JAKMIP2: variants seen among roughly 807,000 people sequenced by gnomAD.
The protein encoded by JAKMIP2 is janus kinase and microtubule interacting protein 2, also known as janus kinase and microtubule-interacting protein 2.
In JAKMIP2, 25 loss-of-function variants were observed where a neutral mutation model predicts 115.0. The observed-to-expected ratio is 0.22, with a 90% confidence interval of 0.16 to 0.30. JAKMIP2 has a LOEUF of 0.30. Among genes scored for constraint, JAKMIP2 ranks in the 10% least tolerant of loss-of-function variants. JAKMIP2 has a pLI of 1.00. For missense variants in JAKMIP2, 642 were observed against 957.6 expected (o/e 0.67, Z 4.35); for synonymous variants, 334 against 343.6 (o/e 0.97, Z 0.31).
chr5:147,665,141 G>A (rs1759229056), intron 2 of JAKMIP2, among the ~76,000 whole-genome samples: 1 of 152,162 alleles, frequency 6.6e-6, no homozygotes, highest in African/African-American at 2.4e-5. Context: ...TACCACCCAT[G>A]AGCCAAATCC....
intron 19 of JAKMIP2, among the ~76,000 whole-genome samples, chr5:147,616,182 T>C (rs1756571349): frequency 6.6e-6 from 1 of 152,176 alleles, no homozygotes; most frequent in Non-Finnish European, 1.5e-5. Context: ...GTTAGTGATA[T>C]ACTTTAGAAG....
chr5:147,659,532 T>C (rs1056134584), intron 3 of JAKMIP2, among the ~76,000 whole-genome samples: 1 of 152,208 alleles, frequency 6.6e-6, no homozygotes, highest in Admixed American at 6.5e-5. Flanking sequence ...TCATGCCTAC[T>C]TCAGCAATAT....
chr5:147,600,949 C>A (rs1313536846), intron 21 of JAKMIP2, among the ~76,000 whole-genome samples: 4 of 151,934 alleles, frequency 2.6e-5, no homozygotes, highest in African/African-American at 4.8e-5. Flanking sequence ...TAATGAACTC[C>A]CTAGTCTCTA....
chr5:147,678,667 C>A (rs1313441500), intron 1 of JAKMIP2, among the ~76,000 whole-genome samples: 2 of 152,094 alleles, frequency 1.3e-5, no homozygotes, highest in East Asian at 3.9e-4. Flanking sequence ...AATAATGATT[C>A]TAGGAGTGTA....
rs369994039 is a variant in JAKMIP2 at position 147,644,051 on chromosome 5, C to T, written c.1224+7G>A. ...AACTTAGGGTTTACAGATTGATTGA[C>T]ACGTACCCTTGTGAGCTCATCAATA... On this transcript the variant is annotated splice_region_variant and intron_variant, in intron 7 of 21. Transcript: ENST00000616793. 3.6e-4 allele frequency: 562 copies of T among 1,556,678 alleles called. 1 individual carries two copies. The highest frequency in any genetic ancestry group is 4.8e-4 in the Non-Finnish European group (545 of 1,142,592).
At chr5:147,634,627 C>T (rs1303452903) in intron 12 of JAKMIP2, among the ~76,000 whole-genome samples, 1 of 152,174 alleles carries the variant, frequency 6.6e-6, no homozygotes, top group Non-Finnish European at 1.5e-5. Flanking sequence ...TCAATGCCAA[C>T]AAAGTTTCTT....
intron 1 of JAKMIP2, among the ~76,000 whole-genome samples, chr5:147,689,181 G>A (rs1230644492): frequency 2.0e-5 from 3 of 152,108 alleles, no homozygotes; most frequent in Admixed American, 6.5e-5. Context: ...TCAGGGAGCC[G>A]GGGAGGCTGG....
In JAKMIP2 at chr5:147,627,265, G is replaced by A. The variant is rs77409485; in HGVS notation, c.1995+1486C>T. Among the ~76,000 whole-genome samples the A allele has an allele frequency of 3.1e-3, 479 of 152,224 alleles. 2 individuals carry two copies. The highest frequency in any genetic ancestry group is 0.011 in the African/African-American group (455 of 41,544). ...AGAGCAGGAACACCTAAGGGGGCTT[G>A]GATGAACAGGCAGGCCTCCTCATTA... On this transcript the variant is annotated intron_variant, in intron 16 of 21. Transcript: ENST00000616793.
chr5:147,650,396 C>A lies in JAKMIP2; in HGVS notation c.779G>T (p.Ser260Ile). The change falls in exon 4 of 22, where the codon AGC becomes ATC. Residue 260 changes from serine (S) to isoleucine (I), a missense_variant. Physicochemically the swap from Ser to Ile is moderately radical, Grantham distance 142. This residue lies in a region of JAKMIP2 where 439 missense variants were observed against 570.9 expected (regional missense o/e 0.77). Transcript: ENST00000616793. ...CCTTCCTGGAATTTCTCGTTTTGGG[C>A]TGCTCATGTTGCACTCAGCCTCCTT... ...LVKEAECNMS[S>I]PKREIPGRAG... is the part of the protein sequence containing the mutation. 4 of 1,613,874 alleles carry A rather than the reference C, an allele frequency of 2.5e-6. No individual in the cohort carries two copies. Among genetic ancestry groups the A allele is most frequent in the South Asian group, 1.1e-5 (1 of 91,068 alleles).
intron 1 of JAKMIP2, among the ~76,000 whole-genome samples, chr5:147,702,615 A>AAG (rs1752395635): frequency 1.5e-5 from 1 of 64,578 alleles, no homozygotes; most frequent in African/African-American, 5.4e-5. Context: ...AAAGAAAGAA[A>AAG]GAAAGAAAGA....
intron 17 of JAKMIP2, among the ~76,000 whole-genome samples, chr5:147,621,503 G>A: frequency 6.6e-6 from 1 of 152,192 alleles, no homozygotes; most frequent in Non-Finnish European, 1.5e-5. Context: ...TAATTTTGCT[G>A]TTGACTTTGC....
intron 1 of JAKMIP2, among the ~76,000 whole-genome samples, chr5:147,776,999 A>G (rs533062437): frequency 6.6e-6 from 1 of 152,310 alleles, no homozygotes; most frequent in African/African-American, 2.4e-5. Flanking sequence ...ACACTGGGGA[A>G]AACTAACATG....
At chr5:147,711,235 A>G (rs929865892) in intron 1 of JAKMIP2, among the ~76,000 whole-genome samples, 9 of 152,332 alleles carry the variant, frequency 5.9e-5, no homozygotes, top group African/African-American at 2.2e-4. Context: ...TAAAGTCATA[A>G]TGAGGTTGTT....
chr5:147,617,555 T>C (rs1225435341), intron 19 of JAKMIP2, among the ~76,000 whole-genome samples: 1 of 152,166 alleles, frequency 6.6e-6, no homozygotes, highest in Non-Finnish European at 1.5e-5. Flanking sequence ...GTTTACGGAC[T>C]GGAGTGAGCA....
chr5:147,754,913 C>T (rs1199632232), intron 1 of JAKMIP2, among the ~76,000 whole-genome samples: 1 of 152,108 alleles, frequency 6.6e-6, no homozygotes, highest in Non-Finnish European at 1.5e-5. Context: ...ACAGATTAGG[C>T]CACTATGAGT....
At chr5:147,619,265 T>A (rs1486995313) in intron 18 of JAKMIP2, among the ~76,000 whole-genome samples, 1 of 152,146 alleles carries the variant, frequency 6.6e-6, no homozygotes, top group Admixed American at 6.5e-5. Flanking sequence ...TACTCAGTAG[T>A]CTCGGGACCC....
In JAKMIP2 at chr5:147,585,567, T is replaced by C. The variant is rs953753466; in HGVS notation, c.*6140A>G. 1 of 152,198 alleles carries C rather than the reference T, an allele frequency of 6.6e-6. No homozygotes were observed. Among genetic ancestry groups the C allele is most frequent in the East Asian group, 1.9e-4 (1 of 5,198 alleles). 9.4% of individuals were successfully genotyped at this position (152,198 alleles called of 1,614,324 possible). A position where few individuals can be genotyped will look rare whatever the true frequency, so the allele number is the denominator to read the frequency against. The stretch of plus-strand genomic sequence containing the variant: ...TTTACATACAGTAAGTTGATTCCAA[T>C]CTCTACGGTAATACATACAGTACAT... On this transcript the variant is annotated 3_prime_UTR_variant, in exon 22 of 22. Transcript: ENST00000616793.
intron 1 of JAKMIP2, among the ~76,000 whole-genome samples, chr5:147,770,393 G>A (rs1755307855): frequency 6.6e-6 from 1 of 152,022 alleles, no homozygotes; most frequent in Non-Finnish European, 1.5e-5. Flanking sequence ...TAGCAAAAAG[G>A]AAAAGAAAGG....
chr5:147,686,566 T>C (rs943590439), intron 1 of JAKMIP2, among the ~76,000 whole-genome samples: 34 of 152,188 alleles, frequency 2.2e-4, no homozygotes, highest in African/African-American at 8.0e-4. Context: ...TGCCTCATAG[T>C]AGAAACTCTA....
Sources: allele counts gnomAD v4.1 joint callset (sites outside exome capture counted in the v4.1 genomes callset), GRCh38; gene constraint gnomAD v4.1.1; regional missense constraint gnomAD v4.1.1; transcripts MANE v1.5; gene names NCBI Gene and HGNC (gene_info 2026-07-23, HGNC 2026-07-21).